Variants in EYS observed in about 807,000 individuals in gnomAD.
The protein encoded by EYS is EGF-like photoreceptor maintenance factor, also known as protein eyes shut homolog.
EYS carries 250 observed loss-of-function variants against 282.1 expected under a neutral mutation model. The ratio of observed to expected loss-of-function variants is 0.89; its 90% confidence interval spans 0.80 to 0.98. The LOEUF is 0.98. Among genes scored for constraint, EYS ranks in the 50% least tolerant of loss-of-function variants. EYS has a pLI of 0.00. For missense variants in EYS, 4,016 were observed against 3,709.0 expected (o/e 1.08, Z -2.15); for synonymous variants, 1,355 against 1,282.9 (o/e 1.06, Z -1.20).
intron 12 of EYS, among the ~76,000 whole-genome samples, chr6:65,136,102 A>G (rs987915292): frequency 6.6e-6 from 1 of 152,158 alleles, no homozygotes; most frequent in East Asian, 1.9e-4. Context: ...ATTCCTGTCA[A>G]TGTGGCCTTC....
intron 29 of EYS, among the ~76,000 whole-genome samples, chr6:64,339,564 A>G (rs1382607232): frequency 1.3e-5 from 2 of 151,974 alleles, no homozygotes; most frequent in Admixed American, 1.3e-4. Flanking sequence ...TGTGGAAAAC[A>G]GTGTGGAGAT....
At position 64,314,194 on chromosome 6, in the gene EYS, C is replaced by CAAAAAAAAAAAAAAAAAAA. The variant is rs138447983; in HGVS notation, c.6079-7131_6079-7113dup. Among the ~76,000 whole-genome samples the CAAAAAAAAAAAAAAAAAAA allele has an allele frequency of 3.3e-4, 9 of 27,668 alleles. 1 individual carries two copies. The highest frequency in any genetic ancestry group is 5.4e-4 in the Non-Finnish European group (9 of 16,716). The allele number at this position is 27,668 out of a possible 152,430, so 18.2% of individuals were successfully genotyped here. On this transcript the variant is annotated intron_variant, in intron 29 of 42. Coordinates refer to ENST00000503581, the MANE Select transcript of EYS (RefSeq NM_001142800.2). ...GAAGATTTACTAAACAAATGGAAAG[C>CAAAAAAAAAAAAAAAAAAA]AAAAAAAAAAAAAAAAAAAAAAAAG...
chr6:64,168,191 G>T (rs1000994647), intron 31 of EYS, among the ~76,000 whole-genome samples: 1 of 152,150 alleles, frequency 6.6e-6, no homozygotes, highest in Non-Finnish European at 1.5e-5. Context: ...AACCCGGGAG[G>T]GGGAGCTTGC....
At position 65,353,580 on chromosome 6, in the gene EYS, C is replaced by T. The variant is rs1328603176; in HGVS notation, c.1337G>A (p.Trp446Ter). The T allele has an allele frequency of 1.2e-6, 2 of 1,612,880 alleles. No homozygotes were observed. Residue 446 changes from tryptophan (W) to a stop codon, truncating the protein, a stop_gained, in exon 9 of 43, where the codon TGG becomes TAG. Coordinates refer to ENST00000503581, the MANE Select transcript of EYS (RefSeq NM_001142800.2). LOFTEE classifies it high-confidence loss of function. ...AATTAGGTAAACATTCTTCAAAAAC[C>T]AACATGGATTTTTTGTGCACCCTGG... ...CIPGCTKNPC[W>*]FLKNVYLIHQ...
At position 64,396,344 on chromosome 6, in the gene EYS, C is replaced by A. The variant is rs116302366; in HGVS notation, c.5928-7504G>T. 7.4e-3 allele frequency among the ~76,000 whole-genome samples: 1,118 copies of A among 152,050 alleles called. 11 individuals are homozygous for A. Among genetic ancestry groups the A allele is most frequent in the African/African-American group, 0.026 (1,073 of 41,480 alleles). ...ATTTAACAAAAAAGTACTTAGAGTT[C>A]TATGTTCAGTATATGTGCTCTACTG... On this transcript the variant is annotated intron_variant, in intron 28 of 42. Transcript: ENST00000503581.
At chr6:65,319,877 CT>C (rs1405632620) in intron 11 of EYS, among the ~76,000 whole-genome samples, 3 of 152,148 alleles carry the variant, frequency 2.0e-5, no homozygotes, top group Non-Finnish European at 4.4e-5. Flanking sequence ...TTCCTATTGA[CT>C]TCCTGGCCTG....
chr6:64,608,561 G>C (rs1009574036), intron 24 of EYS, among the ~76,000 whole-genome samples: 3 of 152,032 alleles, frequency 2.0e-5, no homozygotes, highest in Non-Finnish European at 4.4e-5. Flanking sequence ...TGTGTGCCTC[G>C]ATGTATAGCA....
At chr6:65,233,644 G>T (rs1347769013) in intron 12 of EYS, among the ~76,000 whole-genome samples, 1 of 152,080 alleles carries the variant, frequency 6.6e-6, no homozygotes, top group Non-Finnish European at 1.5e-5. Context: ...CAGCTTGGAG[G>T]TTCCTTCTCT....
chr6:64,125,175 T>TCTCTCGCGCGCG (rs1562213596), intron 31 of EYS, among the ~76,000 whole-genome samples: 1 of 150,306 alleles, frequency 6.7e-6, no homozygotes, highest in African/African-American at 2.5e-5. Context: ...TCTCTCTCTC[T>TCTCTCGCGCGCG]CGCTCTCTCT....
intron 22 of EYS, among the ~76,000 whole-genome samples, chr6:64,718,772 G>A (rs1294397106): frequency 2.0e-5 from 3 of 152,124 alleles, no homozygotes; most frequent in Admixed American, 6.6e-5. Context: ...TACGTGTGGC[G>A]CATTTAGTAT....
At chr6:64,427,137 A>G (rs1055751012) in intron 28 of EYS, among the ~76,000 whole-genome samples, 2 of 152,188 alleles carry the variant, frequency 1.3e-5, no homozygotes, top group African/African-American at 2.4e-5. Context: ...ATTAATGGTT[A>G]GTTCCCTTAA....
At chr6:65,652,669 G>A (rs986518942) in intron 1 of EYS, among the ~76,000 whole-genome samples, 1 of 151,838 alleles carries the variant, frequency 6.6e-6, no homozygotes, top group Non-Finnish European at 1.5e-5. Flanking sequence ...AGAACATCAG[G>A]AATGTAAAGA....
intron 31 of EYS, among the ~76,000 whole-genome samples, chr6:64,084,849 T>G (rs1772090946): frequency 6.6e-6 from 1 of 152,188 alleles, no homozygotes; most frequent in South Asian, 2.1e-4. Flanking sequence ...CTTAGTCACT[T>G]AACAAGCAGC....
intron 2 of EYS, among the ~76,000 whole-genome samples, chr6:65,497,563 G>C (rs1397684850): frequency 6.6e-6 from 1 of 151,942 alleles, no homozygotes; most frequent in African/African-American, 2.4e-5. Flanking sequence ...ACTCCATTTA[G>C]GAAGAGATTA....
At chr6:65,376,073 C>T (rs572482339) in intron 8 of EYS, among the ~76,000 whole-genome samples, 3 of 152,132 alleles carry the variant, frequency 2.0e-5, no homozygotes, top group East Asian at 1.9e-4. Flanking sequence ...ACAAATAATT[C>T]TCAGATTCTC....
intron 28 of EYS, among the ~76,000 whole-genome samples, chr6:64,414,393 G>A (rs745829856): frequency 1.2e-4 from 18 of 152,076 alleles, no homozygotes; most frequent in Admixed American, 2.0e-4. Flanking sequence ...ATAAAGATGT[G>A]GCAAGATTGT....
chr6:65,621,113 A>G (rs1168155002), intron 2 of EYS, among the ~76,000 whole-genome samples: 1 of 151,896 alleles, frequency 6.6e-6, no homozygotes, highest in Non-Finnish European at 1.5e-5. Context: ...ATCCATGTTG[A>G]CTTTCTGTCT....
chr6:64,107,302 T>TATAA (rs1554208131), intron 31 of EYS, among the ~76,000 whole-genome samples: 1 of 133,784 alleles, frequency 7.5e-6, no homozygotes, highest in African/African-American at 3.0e-5. Flanking sequence ...TATATATATA[T>TATAA]ATATATATAT....
chr6:64,643,120 C>G (rs201329999), intron 22 of EYS, among the ~76,000 whole-genome samples: 6 of 49,284 alleles, frequency 1.2e-4, no homozygotes, highest in African/African-American at 3.5e-4. Flanking sequence ...CATCCCCCCC[C>G]CCAAAAAAAA....
Sources: gnomAD v4.1 joint callset for allele counts (sites outside exome capture counted in the v4.1 genomes callset) on GRCh38, gnomAD v4.1.1 for gene constraint, MANE v1.5 for transcripts, NCBI Gene and HGNC (gene_info 2026-07-23, HGNC 2026-07-21) for gene names.